The following AP2B1 variants were observed in gnomAD, a reference collection of about 807,000 sequenced individuals.
The protein encoded by AP2B1 is AP-2 complex subunit beta.
Under a neutral mutation model 102.0 loss-of-function variants are expected in AP2B1, and 23 were observed. The observed-to-expected ratio is 0.23, with a 90% CI of 0.16 to 0.32. The LOEUF (loss-of-function observed/expected upper bound fraction) is 0.32, where lower values mean the gene tolerates loss of function less well. Among genes scored for constraint, AP2B1 ranks in the 10% least tolerant of loss-of-function variants. The probability of loss-of-function intolerance (pLI) is 1.00; values close to 1 mark genes in which losing one functional copy is unlikely to be tolerated. For synonymous variants in AP2B1, 381 were observed against 421.2 expected (o/e 0.90, Z 1.17); for missense variants, 541 against 1,157.4 (o/e 0.47, Z 7.73).
intron 12 of AP2B1, among the ~76,000 whole-genome samples, chr17:35,644,791 T>G (rs2074879736): frequency 6.6e-6 from 1 of 152,116 alleles, no homozygotes; most frequent in African/African-American, 2.4e-5. Context: ...TCCAGCACTT[T>G]GGGAGGCCAA....
At chr17:35,676,790 CA>C (rs2075711492) in intron 17 of AP2B1, among the ~76,000 whole-genome samples, 1 of 28,800 alleles carries the variant, frequency 3.5e-5, no homozygotes, top group African/African-American at 3.4e-4. Flanking sequence ...GCATATTGGT[CA>C]TATATATCTT....
chr17:35,598,524 A>T (rs573833374), intron 3 of AP2B1, among the ~76,000 whole-genome samples, 189 bp downstream of exon 3: 2 of 152,250 alleles, frequency 1.3e-5, no homozygotes, highest in East Asian at 3.9e-4. Flanking sequence ...TTTGTTTGTT[A>T]TGGGGTGTGT....
intron 20 of AP2B1, 52 bp from the exon 21 acceptor site, chr17:35,717,143 A>C: frequency 6.3e-7 from 1 of 1,594,398 alleles, no homozygotes; most frequent in South Asian, 1.1e-5. Context: ...GAGAGTGTAC[A>C]TTTGTTTGAG....
intron 13 of AP2B1, among the ~76,000 whole-genome samples, chr17:35,651,877 G>A (rs975277368): frequency 6.9e-6 from 1 of 145,680 alleles, no homozygotes; most frequent in Non-Finnish European, 1.5e-5. Context: ...AGGCAAACAT[G>A]TTTAACATTC....
intron 11 of AP2B1, among the ~76,000 whole-genome samples, chr17:35,640,950 A>G (rs557324441): frequency 9.2e-5 from 14 of 152,352 alleles, no homozygotes; most frequent in African/African-American, 3.4e-4. Context: ...CCCTACCAAA[A>G]TTAGAGCCAC....
At chr17:35,658,890 AG>A (rs1336371517) in intron 14 of AP2B1, among the ~76,000 whole-genome samples, 7 of 152,194 alleles carry the variant, frequency 4.6e-5, no homozygotes, top group Non-Finnish European at 1.0e-4. Context: ...ATAGGGTTAT[AG>A]TCATATCTCT....
chr17:35,615,967 G>A (rs568753374), intron 5 of AP2B1, among the ~76,000 whole-genome samples: 170 of 152,162 alleles, frequency 1.1e-3, no homozygotes, highest in Non-Finnish European at 2.0e-3. Context: ...CCCAGCTCTT[G>A]AATTTCCCAC....
At position 35,725,699 on chromosome 17, in the gene AP2B1, A is replaced by G. The variant is rs992634382; in HGVS notation, c.*2000A>G. ...TTCCCTTCTTGGGACTTATTCCTGG[A>G]GTCAGTGGATACAAGTAGTGCAGAA... On this transcript the variant is annotated 3_prime_UTR_variant, in exon 22 of 22. Coordinates refer to ENST00000610402, the MANE Select transcript of AP2B1 (RefSeq NM_001030006.2). 6.6e-6 allele frequency: 1 copy of G among 152,622 alleles called. No homozygotes were observed. Among genetic ancestry groups the G allele is most frequent in the Non-Finnish European group, 1.5e-5 (1 of 68,062 alleles). 9.5% of individuals were successfully genotyped at this position (152,622 alleles called of 1,614,324 possible). A position where few individuals can be genotyped will look rare whatever the true frequency, so the allele number is the denominator to read the frequency against.
intron 18 of AP2B1, among the ~76,000 whole-genome samples, chr17:35,702,871 A>G (rs2076264030): frequency 6.6e-6 from 1 of 152,176 alleles, no homozygotes; most frequent in Admixed American, 6.5e-5. Flanking sequence ...AAATTTTTGA[A>G]AATAACAGAT....
intron 1 of AP2B1, chr17:35,588,578 T>C (rs1375002024): frequency 6.6e-6 from 1 of 152,236 alleles, no homozygotes; most frequent in Non-Finnish European, 1.5e-5. Context: ...TCAATGAGAA[T>C]CAATTTAAAT....
At chr17:35,699,073 A>G (rs959293058) in intron 18 of AP2B1, among the ~76,000 whole-genome samples, 1 of 152,238 alleles carries the variant, frequency 6.6e-6, no homozygotes, top group Admixed American at 6.5e-5. Context: ...CAGAATGGGT[A>G]CTACAGGAGA....
At chr17:35,614,676 AAAAAT>A (rs1208549258) in intron 5 of AP2B1, among the ~76,000 whole-genome samples, 1 of 151,720 alleles carries the variant, frequency 6.6e-6, no homozygotes, top group African/African-American at 2.4e-5. Context: ...AAAAAAAAAA[AAAAAT>A]TTCTCATTTG....
rs758489630 is a variant in AP2B1 at position 35,594,000 on chromosome 17, T to C, written c.-23-8T>C. ...CCTGAATGAAGGAATTCTTTTCTCT[T>C]GCTATAGGTGCACATTAAAGATCCA... On this transcript the variant is annotated splice_polypyrimidine_tract_variant and splice_region_variant and intron_variant, in intron 1 of 21. Transcript: ENST00000610402. 3.3e-6 allele frequency: 5 copies of C among 1,532,962 alleles called. No homozygotes were observed. Among genetic ancestry groups the C allele is most frequent in the Admixed American group, 1.9e-5 (1 of 52,432 alleles). 95.0% of individuals were successfully genotyped at this position (1,532,962 alleles called of 1,614,324 possible). A position where few individuals can be genotyped will look rare whatever the true frequency, so the allele number is the denominator to read the frequency against.
Position 35,723,759 on chromosome 17 carries a change from C to T in AP2B1, c.*60C>T, listed in dbSNP as rs1171441440. 7.9e-7 allele frequency: 1 copy of T among 1,260,002 alleles called. No individual in the cohort carries two copies. 78.1% of individuals were successfully genotyped at this position (1,260,002 alleles called of 1,614,324 possible). A position where few individuals can be genotyped will look rare whatever the true frequency, so the allele number is the denominator to read the frequency against. On this transcript the variant is annotated 3_prime_UTR_variant, in exon 22 of 22. Coordinates refer to ENST00000610402, the MANE Select transcript of AP2B1 (RefSeq NM_001030006.2). ...ATCGGTGCAAGTCAAGAACTCTTAA[C>T]TGGAAGAAATTGTATTGCTGCGTAG...
chr17:35,649,460 G>C (rs1258142986), intron 12 of AP2B1, among the ~76,000 whole-genome samples: 1 of 152,062 alleles, frequency 6.6e-6, no homozygotes, highest in Non-Finnish European at 1.5e-5. Flanking sequence ...AGTAGATACG[G>C]GGTTTCACTG....
intron 3 of AP2B1, among the ~76,000 whole-genome samples, chr17:35,605,319 G>A (rs2073638110): frequency 6.7e-6 from 1 of 150,212 alleles, no homozygotes; most frequent in Admixed American, 6.7e-5. Flanking sequence ...TGTGATCTCA[G>A]CTCACCGCAA....
intron 17 of AP2B1, among the ~76,000 whole-genome samples, chr17:35,680,056 C>A (rs781456343): frequency 6.6e-6 from 1 of 151,798 alleles, no homozygotes; most frequent in African/African-American, 2.4e-5. Context: ...ACGCCCACGA[C>A]CACGCCCGAC....
intron 17 of AP2B1, among the ~76,000 whole-genome samples, chr17:35,677,401 A>C (rs1391023746): frequency 6.6e-6 from 1 of 152,160 alleles, no homozygotes; most frequent in Non-Finnish European, 1.5e-5. Context: ...TTTTTTTGGC[A>C]TGTTTTTAAA....
intron 18 of AP2B1, 145 bp downstream of exon 18, chr17:35,682,969 C>G (rs2075856308): frequency 1.4e-6 from 1 of 691,436 alleles, no homozygotes; most frequent in Admixed American, 3.3e-5. Context: ...CCTCTGCCTC[C>G]TGGGTTCAAA....
Sources: allele counts gnomAD v4.1 joint callset (sites outside exome capture counted in the v4.1 genomes callset), GRCh38; gene constraint gnomAD v4.1.1; transcripts MANE v1.5; gene names NCBI Gene and HGNC (gene_info 2026-07-23, HGNC 2026-07-21).